The following SLC44A5 variants were observed in gnomAD, a reference collection of about 807,000 sequenced individuals.
SLC44A5 encodes the protein choline transporter-like protein 5.
SLC44A5 carries 57 observed loss-of-function variants against 101.8 expected under a neutral mutation model. The ratio of observed to expected loss-of-function variants is 0.56; its 90% CI spans 0.45 to 0.70. The LOEUF (loss-of-function observed/expected upper bound fraction) is 0.70. Among genes scored for constraint, SLC44A5 ranks in the 30% least tolerant of loss-of-function variants. SLC44A5 has a pLI of 0.00. For missense variants in SLC44A5, 737 were observed against 853.1 expected, an observed-to-expected ratio of 0.86 and a Z score of 1.70; for synonymous variants, 281 against 290.9, an observed-to-expected ratio of 0.97 and a Z score of 0.35.
At chr1:75,566,860 G>T (rs1407883501) in intron 1 of SLC44A5, among the ~76,000 whole-genome samples, 1 of 152,094 alleles carries the variant, frequency 6.6e-6, no homozygotes, top group Admixed American at 6.6e-5. Context: ...TGTAGCATAC[G>T]TATTATCAGT....
At chr1:75,528,043 T>C (rs148413083) in intron 2 of SLC44A5, among the ~76,000 whole-genome samples, 9 of 152,330 alleles carry the variant, frequency 5.9e-5, no homozygotes, top group Non-Finnish European at 8.8e-5. Context: ...TTTCTAATCC[T>C]ACTATATTGA....
intron 3 of SLC44A5, among the ~76,000 whole-genome samples, chr1:75,356,574 G>C (rs577603194): frequency 2.0e-5 from 3 of 151,878 alleles, no homozygotes; most frequent in African/African-American, 4.8e-5. Context: ...GAAAGTTAAG[G>C]TTAATTTATT....
chr1:75,227,403 T>C (rs573783405), intron 13 of SLC44A5, among the ~76,000 whole-genome samples: 4 of 151,414 alleles, frequency 2.6e-5, no homozygotes, highest in African/African-American at 9.8e-5. Context: ...AAATAAAAAG[T>C]TTGAAAAATC....
At chr1:75,556,346 A>G (rs745902662) in intron 1 of SLC44A5, among the ~76,000 whole-genome samples, 1 of 152,160 alleles carries the variant, frequency 6.6e-6, no homozygotes, top group Non-Finnish European at 1.5e-5. Context: ...ACTGAAAACA[A>G]TCTTGGAAGA....
chr1:75,611,029 G>A lies in SLC44A5; in HGVS notation c.-70+11C>T. ...AGACATAGACTTCTTGCATTTAGCA[G>A]TATCACTCACCTCTTACTCCATCAT... On this transcript the variant is annotated intron_variant, in intron 1 of 23. Coordinates refer to ENST00000370859, the MANE Select transcript of SLC44A5 (RefSeq NM_001130058.2). 2.0e-6 allele frequency: 2 copies of A among 983,350 alleles called. No homozygotes were observed. The highest frequency in any genetic ancestry group is 2.4e-6 in the Non-Finnish European group (2 of 828,120). The allele number at this position is 983,350 out of a possible 1,614,324, so 60.9% of individuals were successfully genotyped here.
At chr1:75,510,925 G>A (rs1350363223) in intron 2 of SLC44A5, among the ~76,000 whole-genome samples, 7 of 152,286 alleles carry the variant, frequency 4.6e-5, no homozygotes, top group Non-Finnish European at 7.4e-5. Context: ...GGTGGATGAC[G>A]AGGTTAGGAG....
At chr1:75,555,065 A>G (rs950093745) in intron 1 of SLC44A5, among the ~76,000 whole-genome samples, 1 of 152,178 alleles carries the variant, frequency 6.6e-6, no homozygotes, top group African/African-American at 2.4e-5. Context: ...ACATTTCAAC[A>G]ATTACATTAA....
intron 18 of SLC44A5, 74 bp downstream of exon 18, chr1:75,217,792 A>G (rs568995296): frequency 3.2e-6 from 3 of 942,940 alleles, no homozygotes; most frequent in South Asian, 1.3e-5. Flanking sequence ...AGTCCAAGTT[A>G]TAATCATCAG....
rs544658731 is a variant in SLC44A5, at chr1:75,493,220, CT to C, written c.13+48214del. On this transcript the variant is annotated intron_variant, in intron 2 of 23. Transcript: ENST00000370859. Reference sequence around the variant, plus strand: ...AAGCTACTTTGCAGATTTCTGACCCCTGAAACTAAAAGAACAATGACATACA... The same window carrying C: ...AAGCTACTTTGCAGATTTCTGACCCCGAAACTAAAAGAACAATGACATACA... 1.5e-4 allele frequency among the ~76,000 whole-genome samples: 23 copies of C among 152,190 alleles called. No individual in the cohort carries two copies. In the East Asian group the frequency reaches 4.2e-3, roughly 28 times the overall value.
chr1:75,488,287 C>G (rs1358154179), intron 2 of SLC44A5, among the ~76,000 whole-genome samples: 1 of 152,184 alleles, frequency 6.6e-6, no homozygotes, highest in African/African-American at 2.4e-5. Flanking sequence ...AAACCAGTCC[C>G]TGGTACCAAA....
the SLC44A5 span, among the ~76,000 whole-genome samples, chr1:75,667,956 C>T: frequency 2.0e-5 from 3 of 152,176 alleles, no homozygotes; most frequent in East Asian, 1.9e-4. Context: ...CAAGCATGCT[C>T]CCAGACTGGG....
intron 12 of SLC44A5, among the ~76,000 whole-genome samples, chr1:75,228,141 A>G (rs986256152): frequency 2.6e-5 from 4 of 152,298 alleles, no homozygotes; most frequent in Admixed American, 6.5e-5. Flanking sequence ...GTAAGACATC[A>G]TGATATATTT....
intron 6 of SLC44A5, among the ~76,000 whole-genome samples, chr1:75,260,618 GAC>G (rs1650413858): frequency 6.6e-6 from 1 of 152,074 alleles, no homozygotes; most frequent in East Asian, 1.9e-4. Context: ...AGATCAATGA[GAC>G]AGAATGTTAA....
chr1:75,490,765 G>A (rs1197194266), intron 2 of SLC44A5, among the ~76,000 whole-genome samples: 8 of 152,160 alleles, frequency 5.3e-5, no homozygotes, highest in Non-Finnish European at 1.0e-4. Context: ...AGAATAGAAA[G>A]ATTAATTCTA....
In SLC44A5 at chr1:75,206,575, C is replaced by T. The variant is rs745317764; in HGVS notation, c.2048-2742G>A. Reference sequence around the variant, plus strand: ...ATCAACCTAATTTACACAACTTCTACTTAAAAATGAGTGACACTGTTTGGA... The same window carrying T: ...ATCAACCTAATTTACACAACTTCTATTTAAAAATGAGTGACACTGTTTGGA... On this transcript the variant is annotated intron_variant, in intron 23 of 23. Transcript: ENST00000370859. 5.9e-6 allele frequency: 8 copies of T among 1,362,982 alleles called. No individual in the cohort carries two copies. In the Admixed American group the frequency reaches 9.5e-5, roughly 16 times the overall value. 84.4% of individuals were successfully genotyped at this position (1,362,982 alleles called of 1,614,324 possible). A position where few individuals can be genotyped will look rare whatever the true frequency, so the allele number is the denominator to read the frequency against.
chr1:75,516,379 T>A (rs540233527), intron 2 of SLC44A5, among the ~76,000 whole-genome samples: 9 of 151,976 alleles, frequency 5.9e-5, no homozygotes, highest in Middle Eastern at 3.2e-3. Context: ...CCGGGCGTGG[T>A]GGTGGCGGGC....
At chr1:75,450,852 G>C (rs907327808) in intron 2 of SLC44A5, among the ~76,000 whole-genome samples, 1 of 152,092 alleles carries the variant, frequency 6.6e-6, no homozygotes, top group African/African-American at 2.4e-5. Flanking sequence ...TTCATGCATG[G>C]GCAGAACTCC....
At chr1:75,638,023 T>C in the SLC44A5 span, among the ~76,000 whole-genome samples, 1 of 152,082 alleles carries the variant, frequency 6.6e-6, no homozygotes, top group Non-Finnish European at 1.5e-5. Flanking sequence ...AATTATTGTA[T>C]ATTCTCTTGA....
intron 3 of SLC44A5, among the ~76,000 whole-genome samples, chr1:75,363,057 CTT>C (rs1659611283): frequency 6.6e-6 from 1 of 151,952 alleles, no homozygotes; most frequent in African/African-American, 2.4e-5. Flanking sequence ...TTAATCATAT[CTT>C]TGTCTCTTTT....
Sources: allele counts gnomAD v4.1 joint callset (sites outside exome capture counted in the v4.1 genomes callset), GRCh38; gene constraint gnomAD v4.1.1; transcripts MANE v1.5; gene names NCBI Gene and HGNC (gene_info 2026-07-23, HGNC 2026-07-21).